ACSS2: variants seen among roughly 807,000 people sequenced by gnomAD.
The protein encoded by ACSS2 is acyl-CoA synthetase short chain family member 2.
ACSS2 carries 58 observed loss-of-function variants against 90.6 expected under a neutral mutation model. The ratio of observed to expected loss-of-function variants is 0.64; its 90% CI spans 0.52 to 0.80. The LOEUF is 0.80. Ranked by LOEUF, ACSS2 falls within the 30% of genes least tolerant of loss-of-function variation. The probability of loss-of-function intolerance (pLI) is 0.00; values close to 1 mark genes in which losing one functional copy is unlikely to be tolerated. For missense variants in ACSS2, 759 were observed against 912.0 expected (o/e 0.83, Z 2.16); for synonymous variants, 300 against 330.9 (o/e 0.91, Z 1.01).
rs140958101 is a variant in ACSS2, at chr20:34,914,155, C to A, written c.703C>A (p.Gln235Lys). Residue 235 changes from glutamine to lysine, a missense_variant, in exon 6 of 18, where the codon CAG becomes AAG. Gln to Lys is a moderately conservative substitution (Grantham distance 53). Transcript: ENST00000360596. ...GAAGGAGCTGGCTGACGAGGCCCTG[C>A]AGAAGTGTCAGGAGAAGTAAGTGTG... ...NLKELADEAL[Q>K]KCQEKGFPVR... The A allele has an allele frequency of 4.2e-4, 675 of 1,614,166 alleles. 7 individuals carry two copies. The South Asian group carries it at 6.3e-3, about 15-fold the overall frequency.
At chr20:34,919,181 T>A (rs1374129357) in intron 7 of ACSS2, among the ~76,000 whole-genome samples, 1 of 152,134 alleles carries the variant, frequency 6.6e-6, no homozygotes, top group Non-Finnish European at 1.5e-5. Flanking sequence ...CAGCCAAGGG[T>A]TCCTCCTCAG....
chr20:34,902,951 TC>T (rs2080706198), intron 2 of ACSS2, among the ~76,000 whole-genome samples: 1 of 150,022 alleles, frequency 6.7e-6, no homozygotes, highest in South Asian at 2.1e-4. Context: ...CAGTCTGGTC[TC>T]GAACTCTTGG....
chr20:34,914,929 T>C (rs2081046933), intron 7 of ACSS2, among the ~76,000 whole-genome samples: 1 of 152,160 alleles, frequency 6.6e-6, no homozygotes, highest in Admixed American at 6.5e-5. Context: ...GCCTCCAGGC[T>C]GAGCAGCATG....
At chr20:34,885,265 A>G (rs1038248937) in intron 2 of ACSS2, among the ~76,000 whole-genome samples, 1 of 152,176 alleles carries the variant, frequency 6.6e-6, no homozygotes, top group African/African-American at 2.4e-5. Context: ...TCATAAAAGG[A>G]AATGCTTGTA....
In ACSS2 at chr20:34,882,657, A is replaced by C; in HGVS notation, c.179-137A>C. 4 of 685,638 alleles carry C rather than the reference A, an allele frequency of 5.8e-6. No individual in the cohort carries two copies. In the South Asian group the frequency reaches 8.3e-5, roughly 14 times the overall value. The allele number at this position is 685,638 out of a possible 1,614,324, so 42.5% of individuals were successfully genotyped here. On this transcript the variant is annotated intron_variant, in intron 1 of 17. Coordinates refer to ENST00000360596, the MANE Select transcript of ACSS2 (RefSeq NM_018677.4). The stretch of plus-strand genomic sequence containing the variant: ...AAAGTGGTGGGTGCTAAGATTAGAC[A>C]GGTAAAGAAGGGACCCAGGTGGTGG...
intron 14 of ACSS2, among the ~76,000 whole-genome samples, chr20:34,925,283 C>T (rs1003818618): frequency 1.3e-5 from 2 of 152,104 alleles, no homozygotes; most frequent in East Asian, 1.9e-4. Context: ...GGAGGACCTA[C>T]GTTCATGCTT....
At chr20:34,883,127 C>T (rs1477150574) in intron 2 of ACSS2, 138 bp downstream of exon 2, 2 of 623,140 alleles carry the variant, frequency 3.2e-6, no homozygotes, top group South Asian at 2.2e-5. Context: ...TACATGACTT[C>T]CTTCAGATCA....
rs186164336 is a variant in ACSS2, at chr20:34,905,238, T to A, written c.375-7858T>A. Among the ~76,000 whole-genome samples the A allele has an allele frequency of 3.1e-3, 466 of 150,792 alleles. 1 individual carries two copies. Among genetic ancestry groups the A allele is most frequent in the Middle Eastern group, 0.014 (4 of 280 alleles). On this transcript the variant is annotated intron_variant, in intron 2 of 17. Transcript: ENST00000360596. ...GGCCTTAAAGCTTTAAAAAAATTAG[T>A]GGTCAACACATATAAATTCAGAAGT...
intron 2 of ACSS2, among the ~76,000 whole-genome samples, chr20:34,908,387 A>G (rs1365738171): frequency 6.6e-6 from 1 of 152,262 alleles, no homozygotes; most frequent in Admixed American, 6.5e-5. Context: ...TCTTTCTTTG[A>G]AAAGGTCTCA....
At chr20:34,900,026 G>T (rs142873855) in intron 2 of ACSS2, among the ~76,000 whole-genome samples, 1 of 152,068 alleles carries the variant, frequency 6.6e-6, no homozygotes, top group African/African-American at 2.4e-5. Context: ...TTATATTCCC[G>T]GCAATGTATG....
chr20:34,905,157 G>T (rs1253889707), intron 2 of ACSS2, among the ~76,000 whole-genome samples: 1 of 151,948 alleles, frequency 6.6e-6, no homozygotes, highest in African/African-American at 2.4e-5. Flanking sequence ...TCCTCAAACA[G>T]TCCTCCTGCT....
intron 2 of ACSS2, among the ~76,000 whole-genome samples, chr20:34,911,380 G>T (rs1170581716): frequency 1.3e-5 from 2 of 151,504 alleles, no homozygotes; most frequent in Non-Finnish European, 2.9e-5. Flanking sequence ...TAGAGACGGG[G>T]TTTCTCCATG....
chr20:34,881,897 G>T (rs2080078472), intron 1 of ACSS2, among the ~76,000 whole-genome samples: 1 of 152,186 alleles, frequency 6.6e-6, no homozygotes, highest in Non-Finnish European at 1.5e-5. Flanking sequence ...ATAAGTAGAA[G>T]CTGGAGAAGG....
chr20:34,884,204 C>T (rs2146972070), intron 2 of ACSS2, among the ~76,000 whole-genome samples: 1 of 152,306 alleles, frequency 6.6e-6, no homozygotes, highest in South Asian at 2.1e-4. Context: ...AAGCGATCCA[C>T]CTGTCTTGGC....
At chr20:34,926,790 G>A in intron 16 of ACSS2, 87 bp from the exon 17 acceptor site, 1 of 1,362,672 alleles carries the variant, frequency 7.3e-7, no homozygotes, top group Non-Finnish European at 1.0e-6. Context: ...GGAGGAAACA[G>A]GTGGGGAACA....
intron 5 of ACSS2, 66 bp from the exon 6 acceptor site, chr20:34,914,030 T>C: frequency 6.4e-7 from 1 of 1,565,810 alleles, no homozygotes; most frequent in Non-Finnish European, 8.8e-7. Flanking sequence ...AAGGGCCCTA[T>C]GGACATTGTG....
At position 34,914,383 on chromosome 20, in the gene ACSS2, G is replaced by A; in HGVS notation, c.780G>A (p.Met260Ile). The change falls in exon 7 of 18, where the codon ATG becomes ATA. Residue 260 changes from methionine (M) to isoleucine (I), a missense_variant. Met to Ile is a conservative substitution (Grantham distance 10). Coordinates refer to ENST00000360596, the MANE Select transcript of ACSS2 (RefSeq NM_018677.4). ...ACCTGGGGCGGGCAGAGCTCGGCAT[G>A]GGTGACTCCACCAGCCAGTCCCCCC... ...VKHLGRAELG[M>I]GDSTSQSPPI... is the part of the protein sequence containing the mutation. 6.2e-7 allele frequency: 1 copy of A among 1,613,940 alleles called. No homozygotes were observed. The highest frequency in any genetic ancestry group is 1.1e-5 in the South Asian group (1 of 91,020).
chr20:34,908,783 C>T, intron 2 of ACSS2: 1 of 355,504 alleles, frequency 2.8e-6, no homozygotes. Context: ...ATTGCCTGAA[C>T]CCAGGAGGCG....
chr20:34,911,682 G>A (rs2080963390), intron 2 of ACSS2, among the ~76,000 whole-genome samples: 1 of 151,904 alleles, frequency 6.6e-6, no homozygotes, highest in East Asian at 1.9e-4. Flanking sequence ...ATATCATTCT[G>A]CTCTATTTAT....
Sources: allele counts gnomAD v4.1 joint callset (sites outside exome capture counted in the v4.1 genomes callset), GRCh38; gene constraint gnomAD v4.1.1; transcripts MANE v1.5; gene names NCBI Gene and HGNC (gene_info 2026-07-23, HGNC 2026-07-21).